The following G6PC2 variants were observed in gnomAD, a reference collection of about 807,000 sequenced individuals.
The protein encoded by G6PC2 is glucose-6-phosphatase 2.
In G6PC2, 41 loss-of-function variants were observed where a neutral mutation model predicts 35.4. That is an observed-to-expected ratio of 1.16 (90% confidence interval 0.90 to 1.50). The LOEUF is 1.50. G6PC2 is among the 40% of genes most tolerant of loss of function. The pLI is 0.00. For synonymous variants in G6PC2, 165 were observed against 153.2 expected, an observed-to-expected ratio of 1.08 and a Z score of -0.57; for missense variants, 441 against 426.5, an observed-to-expected ratio of 1.03 and a Z score of -0.30.
At position 168,907,866 on chromosome 2, in the gene G6PC2, A is replaced by AAAT; in HGVS notation, c.858_860dup (p.Asn287dup). On this transcript the variant is annotated inframe_insertion, in exon 5 of 5. Transcript: ENST00000375363. Reference sequence around the variant, plus strand: ...TGTTCCTCCTGAGCTGCCGAGGGGGAAATAACTACACACTGAGCTTCCGGT... The same window carrying AAAT: ...TGTTCCTCCTGAGCTGCCGAGGGGGAAATAATAACTACACACTGAGCTTCCGGT... 1 of 1,613,834 alleles carries AAAT rather than the reference A, an allele frequency of 6.2e-7. No homozygotes were observed. Among genetic ancestry groups the AAAT allele is most frequent in the Non-Finnish European group, 8.5e-7 (1 of 1,179,860 alleles).
Position 168,901,389 on chromosome 2 carries a change from C to T in G6PC2, c.58C>T (p.Arg20Ter), listed in dbSNP as rs1275647193. The change falls in exon 1 of 5, where the codon CGA (arginine) becomes TGA (stop). Residue 20 changes from arginine to a stop codon, truncating the protein, a stop_gained. Transcript: ENST00000375363. LOFTEE classifies it high-confidence loss of function. ...AATTCAGCATTTGCAGAAGGACTAC[C>T]GAGCTTACTACACTTTTCTAAATTT... ...LIIQHLQKDY[R>*]AYYTFLNFMS... 8.7e-6 allele frequency: 14 copies of T among 1,604,248 alleles called. No individual in the cohort carries two copies. Among genetic ancestry groups the T allele is most frequent in the Admixed American group, 8.3e-5 (5 of 59,974 alleles).
rs1463649803 is a variant in G6PC2, at chr2:168,907,641, C to A, written c.630C>A (p.Thr210=). 3.1e-6 allele frequency: 5 copies of A among 1,613,456 alleles called. No individual in the cohort carries two copies. The African/African-American group carries it at 6.7e-5, about 22-fold the overall frequency. The change falls in exon 5 of 5, where the codon ACC becomes ACA. Residue 210 remains threonine (T), a synonymous_variant. Transcript: ENST00000375363. ...QTASLGTYLK[T]NLFLFLFAVG... ...CCAGTCTGGGCACATACCTGAAGAC[C>A]AACCTCTTTCTCTTCCTGTTTGCAG...
Position 168,909,941 on chromosome 2 carries a change from G to C in G6PC2, c.*1862G>C, listed in dbSNP as rs1690815609. 1 of 152,158 alleles carries C rather than the reference G, an allele frequency of 6.6e-6. No homozygotes were observed. The highest frequency in any genetic ancestry group is 2.4e-5 in the African/African-American group (1 of 41,430). 9.4% of individuals were successfully genotyped at this position (152,158 alleles called of 1,614,324 possible). On this transcript the variant is annotated 3_prime_UTR_variant, in exon 5 of 5. Transcript: ENST00000375363. ...TTGCTTTTATAAAACGCACTTAATA[G>C]CTTTCTTTCTAAAAGGCAACTGAAC...
chr2:168,904,520 A>AT lies in G6PC2; in HGVS notation c.345dup (p.Ala116CysfsTer25). 1.2e-6 allele frequency: 2 copies of AT among 1,603,178 alleles called. No individual in the cohort carries two copies. The highest frequency in any genetic ancestry group is 1.7e-6 in the Non-Finnish European group (2 of 1,170,086). ...GTTGTTGCAGGAAGTCCATCTGGCC[A>AT]TGCAATGGGCGCATCCTGTGTCTGG... On this transcript the variant is annotated frameshift_variant, in exon 3 of 5. Coordinates refer to ENST00000375363, the MANE Select transcript of G6PC2 (RefSeq NM_021176.3). LOFTEE classifies it high-confidence loss of function.
Position 168,908,079 on chromosome 2 carries a change from G to A in G6PC2, c.1068G>A (p.Ter356=). Residue 356 remains the stop codon, a stop_retained_variant, in exon 5 of 5, where the codon TAG becomes TAA. Coordinates refer to ENST00000375363, the MANE Select transcript of G6PC2 (RefSeq NM_021176.3). ...LMKQSGKKSQ[*] ...AACAAAGCGGAAAGAAGAGTCAGTA[G>A]AGTGGTGCCTAGAGTTAGTGCTCTG... 1 of 1,612,140 alleles carries A rather than the reference G, an allele frequency of 6.2e-7. No individual in the cohort carries two copies. The highest frequency in any genetic ancestry group is 8.5e-7 in the Non-Finnish European group (1 of 1,178,770).
chr2:168,902,752 A>T (rs1690627786), intron 2 of G6PC2, among the ~76,000 whole-genome samples, 198 bp downstream of exon 2: 1 of 152,242 alleles, frequency 6.6e-6, no homozygotes, highest in African/African-American at 2.4e-5. Flanking sequence ...TTTGTTATTT[A>T]TGAAAGGGTA....
At chr2:168,907,088 G>T (rs534470656) in intron 4 of G6PC2, among the ~76,000 whole-genome samples, 1 of 152,136 alleles carries the variant, frequency 6.6e-6, no homozygotes, top group African/African-American at 2.4e-5. Flanking sequence ...TGTGTCTTGC[G>T]TGAGGGAACT....
chr2:168,901,954 T>C (rs1237162437), intron 1 of G6PC2, among the ~76,000 whole-genome samples: 1 of 152,164 alleles, frequency 6.6e-6, no homozygotes, highest in East Asian at 1.9e-4. Flanking sequence ...CAGGCTGGTC[T>C]CTAACTCCCG....
In G6PC2 at chr2:168,907,889, G is replaced by A. The variant is rs541931958; in HGVS notation, c.878G>A (p.Arg293Gln). ...RGGNNYTLSFRLLCALTSLTI... is the reference protein window; with the variant it reads ...RGGNNYTLSFQLLCALTSLTI... The stretch of plus-strand genomic sequence containing the variant: ...GGAAATAACTACACACTGAGCTTCC[G>A]GTTGCTCTGTGCCTTGACCTCATTG... The change falls in exon 5 of 5, where the codon CGG becomes CAG. Residue 293 changes from arginine to glutamine, a missense_variant. By Grantham distance (43) the Arg-to-Gln change is conservative (BLOSUM62 1). Transcript: ENST00000375363. The A allele has an allele frequency of 5.6e-6, 9 of 1,613,944 alleles. No individual in the cohort carries two copies. Among genetic ancestry groups the A allele is most frequent in the East Asian group, 4.5e-5 (2 of 44,884 alleles).
At position 168,908,572 on chromosome 2, in the gene G6PC2, T is replaced by G; in HGVS notation, c.*493T>G. The stretch of plus-strand genomic sequence containing the variant: ...TCAGATGAGGAAATGGAAGCCTATT[T>G]AGGTAAAAGAACTTGCCTGGAGTCA... On this transcript the variant is annotated 3_prime_UTR_variant, in exon 5 of 5. Coordinates refer to ENST00000375363, the MANE Select transcript of G6PC2 (RefSeq NM_021176.3). 4.9e-6 allele frequency: 1 copy of G among 204,320 alleles called. No homozygotes were observed. The highest frequency in any genetic ancestry group is 1.2e-4 in the East Asian group (1 of 8,198). The allele number at this position is 204,320 out of a possible 1,614,324, so 12.7% of individuals were successfully genotyped here.
rs1574377395 is a variant in G6PC2 at position 168,907,421 on chromosome 2, A to T, written c.557-147A>T. The stretch of plus-strand genomic sequence containing the variant: ...AAACCTGCATTTTTAGTTACTGCCT[A>T]AAAAAGGCTTTGGAAAATGGATAGA... On this transcript the variant is annotated intron_variant, in intron 4 of 4. Transcript: ENST00000375363. The T allele has an allele frequency of 4.8e-6, 4 of 841,470 alleles. No individual in the cohort carries two copies. In the East Asian group the frequency reaches 9.7e-5, roughly 20 times the overall value. 52.1% of individuals were successfully genotyped at this position (841,470 alleles called of 1,614,324 possible). A position where few individuals can be genotyped will look rare whatever the true frequency, so the allele number is the denominator to read the frequency against.
At position 168,908,163 on chromosome 2, in the gene G6PC2, G is replaced by T; in HGVS notation, c.*84G>T. On this transcript the variant is annotated 3_prime_UTR_variant, in exon 5 of 5. Transcript: ENST00000375363. ...AGCCACAGAGTAGGCACAGACCAGA[G>T]GCTTCTAATCCGACTTCACAGAATA... 1 of 1,152,784 alleles carries T rather than the reference G, an allele frequency of 8.7e-7. No individual in the cohort carries two copies. The highest frequency in any genetic ancestry group is 1.3e-6 in the Non-Finnish European group (1 of 766,192). 71.4% of individuals were successfully genotyped at this position (1,152,784 alleles called of 1,614,324 possible).
intron 3 of G6PC2, 38 bp from the exon 4 acceptor site, chr2:168,906,626 C>G (rs539102106): frequency 1.0e-6 from 1 of 999,724 alleles, no homozygotes; most frequent in South Asian, 1.3e-5. Flanking sequence ...GATCCAGTTT[C>G]TTTGCTTTTT....
At chr2:168,901,832 G>C (rs557058671) in intron 1 of G6PC2, among the ~76,000 whole-genome samples, 1 of 151,574 alleles carries the variant, frequency 6.6e-6, no homozygotes, top group African/African-American at 2.4e-5. Flanking sequence ...TGCCTCCCAG[G>C]TTCAAGCAAT....
rs768200400 is a variant in G6PC2, at chr2:168,907,933, C to T, written c.922C>T (p.His308Tyr). 5.7e-5 allele frequency: 92 copies of T among 1,614,000 alleles called. No homozygotes were observed. Among genetic ancestry groups the T allele is most frequent in the Non-Finnish European group, 7.4e-5 (87 of 1,179,964 alleles). ...LTSLTILQLY[H>Y]FLQIPTHEEH... ...CTCATTGACAATACTGCAGCTCTAC[C>T]ATTTCCTCCAGATCCCGACTCACGA... Residue 308 changes from histidine (H) to tyrosine (Y), a missense_variant, in exon 5 of 5, where the codon CAT (histidine) becomes TAT (tyrosine). Physicochemically the swap from His to Tyr is moderately conservative, Grantham distance 83 (BLOSUM62 2). Coordinates refer to ENST00000375363, the MANE Select transcript of G6PC2 (RefSeq NM_021176.3).
Position 168,906,136 on chromosome 2 carries a change from A to G in G6PC2, c.441-528A>G, listed in dbSNP as rs180780885. 4.2e-4 allele frequency among the ~76,000 whole-genome samples: 63 copies of G among 151,746 alleles called. 3 individuals are homozygous for G. The East Asian group carries it at 7.7e-3, about 19-fold the overall frequency. ...AAAAGAAAAAAAAAAAACAAGAAACAAGGACTTTTGAAAATCTGTGCAATT... is the reference window on the plus strand; with the variant it reads ...AAAAGAAAAAAAAAAAACAAGAAACGAGGACTTTTGAAAATCTGTGCAATT... On this transcript the variant is annotated intron_variant, in intron 3 of 4. Coordinates refer to ENST00000375363, the MANE Select transcript of G6PC2 (RefSeq NM_021176.3).
chr2:168,902,646 G>A (rs1690625491), intron 2 of G6PC2, 92 bp downstream of exon 2: 2 of 760,584 alleles, frequency 2.6e-6, no homozygotes, highest in Non-Finnish European at 4.9e-6. Context: ...ATTATATAGG[G>A]TAGTAAAGAA....
chr2:168,902,150 G>T (rs1228740551), intron 1 of G6PC2, among the ~76,000 whole-genome samples: 1 of 152,066 alleles, frequency 6.6e-6, no homozygotes, highest in Non-Finnish European at 1.5e-5. Context: ...ATAATTCTAG[G>T]GACAAATTTT....
rs1690760382 is a variant in G6PC2 at position 168,908,069 on chromosome 2, A to T, written c.1058A>T (p.Lys353Met). Residue 353 changes from lysine to methionine, a missense_variant, in exon 5 of 5, where the codon AAG (lysine) becomes ATG (methionine). Lys to Met is a moderately conservative substitution (Grantham distance 95). Coordinates refer to ENST00000375363, the MANE Select transcript of G6PC2 (RefSeq NM_021176.3). ...VHMLMKQSGK[K>M]SQ ...ATGTTAATGAAACAAAGCGGAAAGA[A>T]GAGTCAGTAGAGTGGTGCCTAGAGT... 6.2e-7 allele frequency: 1 copy of T among 1,612,696 alleles called. No homozygotes were observed. Among genetic ancestry groups the T allele is most frequent in the African/African-American group, 1.3e-5 (1 of 74,902 alleles).
Sources: allele counts gnomAD v4.1 joint callset (sites outside exome capture counted in the v4.1 genomes callset), GRCh38; gene constraint gnomAD v4.1.1; transcripts MANE v1.5; gene names NCBI Gene and HGNC (gene_info 2026-07-23, HGNC 2026-07-21).